Variants in RIMS2 observed in about 807,000 individuals in gnomAD.
The protein encoded by RIMS2 is regulating synaptic membrane exocytosis 2.
In RIMS2, 59 loss-of-function variants were observed where a neutral mutation model predicts 174.4. The ratio of observed to expected loss-of-function variants is 0.34; its 90% CI spans 0.27 to 0.42. RIMS2 has a LOEUF of 0.42. Ranked by LOEUF, RIMS2 falls within the 10% of genes least tolerant of loss-of-function variation. The pLI, the probability that RIMS2 is intolerant of heterozygous loss-of-function variation, is 1.00. For missense variants in RIMS2, 1,620 were observed against 1,666.3 expected, an observed-to-expected ratio of 0.97 and a Z score of 0.48; for synonymous variants, 606 against 572.5, an observed-to-expected ratio of 1.06 and a Z score of -0.84.
intron 19 of RIMS2, chr8:104,015,500 T>TG: frequency 4.7e-6 from 3 of 643,916 alleles, no homozygotes; most frequent in Non-Finnish European, 2.8e-6. Flanking sequence ...ACAGCCTTTT[T>TG]GGGGGGCTAG....
intron 19 of RIMS2, among the ~76,000 whole-genome samples, chr8:104,100,936 T>TATATATTATATAGTATATATG (rs1405257361): frequency 1.5e-4 from 16 of 108,358 alleles, no homozygotes; most frequent in South Asian, 5.8e-4. Context: ...TGTGATATAT[T>TATATATTATATAGTATATATG]ATATATTATA....
At chr8:103,641,848 C>T (rs1476315730) in intron 1 of RIMS2, among the ~76,000 whole-genome samples, 1 of 152,102 alleles carries the variant, frequency 6.6e-6, no homozygotes, top group Non-Finnish European at 1.5e-5. Flanking sequence ...AGGCCCTCAT[C>T]TGATGCAGAT....
rs181456243 is a variant in RIMS2, at chr8:103,940,084, A to G, written c.2548-2689A>G. Among the ~76,000 whole-genome samples, 101 of 152,088 alleles carry G rather than the reference A, an allele frequency of 6.6e-4. 1 individual carries two copies. In the East Asian group the frequency reaches 0.015, roughly 23 times the overall value. ...TTACCCAGTTCCAAAGCACTTCCAC[A>G]TTTTCAGGTATTTTTTTTAGCAGTG... On this transcript the variant is annotated intron_variant, in intron 13 of 23. Coordinates refer to ENST00000504942, the Ensembl canonical transcript of RIMS2.
intron 19 of RIMS2, among the ~76,000 whole-genome samples, chr8:104,034,462 CTTTTTTTTTTT>C (rs200907072): frequency 1.2e-3 from 146 of 118,380 alleles, no homozygotes; most frequent in African/African-American, 4.0e-3. Flanking sequence ...CTTGCAGTAT[CTTTTTTTTTTT>C]TTTTTTTTTT....
chr8:103,958,134 A>G (rs1212218922), intron 14 of RIMS2, among the ~76,000 whole-genome samples: 1 of 152,220 alleles, frequency 6.6e-6, no homozygotes, highest in Non-Finnish European at 1.5e-5. Context: ...TCGCAATAGC[A>G]AAGACATGGA....
chr8:103,791,833 C>T (rs190694470), intron 3 of RIMS2, among the ~76,000 whole-genome samples: 1,578 of 152,236 alleles, frequency 0.01, 30 homozygotes, highest in African/African-American at 0.036. Flanking sequence ...AAGGCCATTA[C>T]ATAATGGTAA....
intron 3 of RIMS2, among the ~76,000 whole-genome samples, chr8:103,796,096 C>T (rs1479110376): frequency 1.3e-5 from 2 of 152,044 alleles, no homozygotes; most frequent in Non-Finnish European, 1.5e-5. Flanking sequence ...CATCCCCTTC[C>T]CCATCAACTC....
chr8:104,131,851 C>G (rs10098013), intron 19 of RIMS2, among the ~76,000 whole-genome samples: 1 of 151,862 alleles, frequency 6.6e-6, no homozygotes, highest in Non-Finnish European at 1.5e-5. Context: ...TTTATGTAAA[C>G]TGGATTGATT....
At chr8:103,880,914 A>G (rs1484301361) in intron 3 of RIMS2, among the ~76,000 whole-genome samples, 2 of 151,484 alleles carry the variant, frequency 1.3e-5, no homozygotes, top group Non-Finnish European at 1.5e-5. Context: ...TTATGCTTAA[A>G]CTGCATGGTT....
chr8:103,761,040 A>T (rs2098107120), intron 2 of RIMS2, among the ~76,000 whole-genome samples: 1 of 152,216 alleles, frequency 6.6e-6, no homozygotes, highest in Non-Finnish European at 1.5e-5. Context: ...TGAATATATT[A>T]TAGTCACTGG....
In RIMS2 at chr8:104,057,468, A is replaced by G. The variant is rs187493906; in HGVS notation, c.3334+42853A>G. The stretch of plus-strand genomic sequence containing the variant: ...TCTGTTCACTGAATTTAGAGATCAA[A>G]AACAAAACAAACACATATTATTTTC... On this transcript the variant is annotated intron_variant, in intron 19 of 23. Transcript: ENST00000504942. Among the ~76,000 whole-genome samples the G allele has an allele frequency of 2.2e-3, 335 of 152,244 alleles. 1 individual carries two copies. Among genetic ancestry groups the G allele is most frequent in the African/African-American group, 7.8e-3 (326 of 41,558 alleles).
intron 19 of RIMS2, among the ~76,000 whole-genome samples, chr8:104,120,694 A>G (rs1464287058): frequency 6.6e-6 from 1 of 152,198 alleles, no homozygotes; most frequent in Non-Finnish European, 1.5e-5. Context: ...GGAAAAAATG[A>G]TCTTACAACA....
chr8:103,837,509 G>A (rs2098906261), intron 3 of RIMS2, among the ~76,000 whole-genome samples: 1 of 152,128 alleles, frequency 6.6e-6, no homozygotes, highest in South Asian at 2.1e-4. Flanking sequence ...ATCTCCTAAT[G>A]CTATCCCTCC....
chr8:103,827,341 C>G (rs1055260697), intron 3 of RIMS2, among the ~76,000 whole-genome samples: 2 of 152,112 alleles, frequency 1.3e-5, no homozygotes, highest in Non-Finnish European at 2.9e-5. Flanking sequence ...TTCAAATTCA[C>G]TTACTAGTTC....
At chr8:103,895,136 T>C (rs570737599) in intron 4 of RIMS2, among the ~76,000 whole-genome samples, 5 of 151,372 alleles carry the variant, frequency 3.3e-5, no homozygotes, top group Admixed American at 2.0e-4. Context: ...TTATGTGTAC[T>C]TACTGAGTTC....
chr8:104,226,588 A>C (rs2099189388), intron 19 of RIMS2, among the ~76,000 whole-genome samples: 1 of 152,226 alleles, frequency 6.6e-6, no homozygotes, highest in Non-Finnish European at 1.5e-5. Flanking sequence ...AGTAGACATT[A>C]ATAGAAATAA....
chr8:103,599,576 C>A (rs896466144), intron 1 of RIMS2, among the ~76,000 whole-genome samples: 10 of 151,372 alleles, frequency 6.6e-5, no homozygotes, highest in Non-Finnish European at 7.4e-5. Context: ...GTAGCAGGGA[C>A]TATAGCTGCA....
intron 3 of RIMS2, among the ~76,000 whole-genome samples, chr8:103,857,593 A>G (rs1012966603): frequency 6.7e-6 from 1 of 148,338 alleles, no homozygotes; most frequent in African/African-American, 2.5e-5. Flanking sequence ...TTAATCTCAA[A>G]GTAGTTGTTG....
intron 19 of RIMS2, among the ~76,000 whole-genome samples, chr8:104,226,330 A>T (rs2099187893): frequency 1.3e-5 from 2 of 152,206 alleles, no homozygotes. Flanking sequence ...ATAGCTAAAG[A>T]ATTTCAAGTA....
Sources: gnomAD v4.1 joint callset for allele counts (sites outside exome capture counted in the v4.1 genomes callset) on GRCh38, gnomAD v4.1.1 for gene constraint, MANE v1.5 for transcripts, NCBI Gene and HGNC (gene_info 2026-07-23, HGNC 2026-07-21) for gene names.